ITGB1BP2: variants seen among roughly 807,000 people sequenced by gnomAD.
ITGB1BP2 encodes integrin beta-1-binding protein 2.
Under a neutral mutation model 32.2 loss-of-function variants are expected in ITGB1BP2, and 27 were observed. That is an observed-to-expected ratio of 0.84 (90% confidence interval 0.62 to 1.16). ITGB1BP2 has a LOEUF of 1.16. ITGB1BP2 is among the 50% of genes most tolerant of loss of function. The pLI is 0.00. For missense variants in ITGB1BP2, 250 were observed against 267.3 expected (o/e 0.94, Z 0.45); for synonymous variants, 105 against 94.7 (o/e 1.11, Z -0.63).
chrX:71,302,700 C>T (rs966214926), intron 4 of ITGB1BP2, 144 bp downstream of exon 4: 3 of 649,348 alleles, frequency 4.6e-6, no homozygotes, highest in Non-Finnish European at 6.7e-6. Flanking sequence ...TATCCTGTGC[C>T]TTAGGGGAAA....
intron 8 of ITGB1BP2, 128 bp downstream of exon 8, chrX:71,304,039 C>T: frequency 1.4e-6 from 1 of 709,521 alleles, no homozygotes; most frequent in South Asian, 2.7e-5. Context: ...AGATTCTGCT[C>T]CTTATCCCTC....
intron 8 of ITGB1BP2, 43 bp from the exon 9 acceptor site, chrX:71,304,144 A>T: frequency 9.6e-7 from 1 of 1,038,157 alleles, no homozygotes; most frequent in Non-Finnish European, 1.4e-6. Context: ...CCCTTCAGTT[A>T]AGAATTTATT....
chrX:71,304,634 G>C, intron 10 of ITGB1BP2, 30 bp downstream of exon 10: 1 of 1,132,531 alleles, frequency 8.8e-7, no homozygotes, highest in Non-Finnish European at 1.2e-6. Context: ...CACAAGAGTG[G>C]GAGGCAGATG....
chrX:71,302,470 C>A lies in ITGB1BP2; in HGVS notation c.231C>A (p.Gly77=). ...TTCCTGAGGCCCCTCAACCTGAAGG[C>A]CCTGCTACAAGCAGTTCACTTCAGG... The part of the protein sequence containing the change: ...EKLPEAPQPE[G]PATSSSLQEQ... Residue 77 remains glycine, a synonymous_variant, in exon 4 of 11, where the codon GGC becomes GGA. Coordinates refer to ENST00000373829, the MANE Select transcript of ITGB1BP2 (RefSeq NM_012278.4). 1.7e-6 allele frequency: 2 copies of A among 1,211,056 alleles called. No homozygotes were observed. Among genetic ancestry groups the A allele is most frequent in the East Asian group, 5.9e-5 (2 of 33,856 alleles).
rs138204346 is a variant in ITGB1BP2 at position 71,301,843 on chromosome X, C to T, written c.37C>T (p.His13Tyr). Residue 13 changes from histidine (H) to tyrosine (Y), a missense_variant, in exon 1 of 11, where the codon CAC becomes TAC. His to Tyr is a moderately conservative substitution (Grantham distance 83). Transcript: ENST00000373829. ...LLCRNKGCGQ[H>Y]FDPNTNLPDS... ...CTGTCGTAACAAAGGCTGTGGGCAG[C>T]ACTTTGACCCTAATACCAACCTTCC... 1,500 of 1,206,921 alleles carry T rather than the reference C, an allele frequency of 1.2e-3. 13 individuals carry two copies. The East Asian group carries it at 0.016, about 13-fold the overall frequency.
At chrX:71,302,014 C>CT (rs1163306012) in intron 1 of ITGB1BP2, 123 bp from the exon 2 acceptor site, 33,166 of 605,933 alleles carry the variant, frequency 0.055, no homozygotes, top group Non-Finnish European at 0.061. Context: ...CCTTTGCTGG[C>CT]TTTTTTTTTT....
Position 71,303,265 on chromosome X carries a change from A to G in ITGB1BP2, c.321A>G (p.Ser107=), listed in dbSNP as rs764519154. The change falls in exon 5 of 11, where the codon TCA becomes TCG. Residue 107 remains serine, a synonymous_variant. Transcript: ENST00000373829. ...AATCACCACCCTTAACCCCTAGGTC[A>G]GAGTTGCCTCTGAAGCTGCTGCCGC... The part of the protein sequence containing the change: ...AETLRRERPK[S]ELPLKLLPLN... The G allele has an allele frequency of 1.2e-5, 14 of 1,208,339 alleles. No homozygotes were observed. The East Asian group carries it at 3.6e-4, about 31-fold the overall frequency.
At position 71,301,784 on chromosome X, in the gene ITGB1BP2, G is replaced by A. The variant is rs150575141; in HGVS notation, c.-23G>A. On this transcript the variant is annotated 5_prime_UTR_variant, in exon 1 of 11. Coordinates refer to ENST00000373829, the MANE Select transcript of ITGB1BP2 (RefSeq NM_012278.4). Reference sequence around the variant, plus strand: ...CCAGACTCCTTGAAATACCCTTTCAGTAATCATTCAACCAACGCTTCCATG... The same window carrying A: ...CCAGACTCCTTGAAATACCCTTTCAATAATCATTCAACCAACGCTTCCATG... 9.9e-5 allele frequency: 119 copies of A among 1,196,377 alleles called. No individual in the cohort carries two copies. The East Asian group carries it at 3.5e-3, about 35-fold the overall frequency.
At chrX:71,302,207 G>T (rs768768529) in intron 2 of ITGB1BP2, 21 bp downstream of exon 2, 4 of 1,210,498 alleles carry the variant, frequency 3.3e-6, no homozygotes, top group Admixed American at 4.4e-5. Context: ...GGTGAGGGGG[G>T]TTAGCAAGAG....
intron 8 of ITGB1BP2, 74 bp downstream of exon 8, chrX:71,303,985 C>T (rs1479340485): frequency 3.4e-6 from 3 of 873,491 alleles, no homozygotes; most frequent in Non-Finnish European, 4.9e-6. Context: ...CTCTGTACCA[C>T]ATAGCCAAGC....
chrX:71,305,257 A>G lies in ITGB1BP2; in HGVS notation c.*65A>G. ...TTCCCTTAGAATCTTAGATACCAGG[A>G]TATTGTTGGCCATGTGGCATCATTG... On this transcript the variant is annotated 3_prime_UTR_variant, in exon 11 of 11. Transcript: ENST00000373829. 1.0e-6 allele frequency: 1 copy of G among 990,866 alleles called. No homozygotes were observed. Among genetic ancestry groups the G allele is most frequent in the Non-Finnish European group, 1.4e-6 (1 of 723,677 alleles). The allele number at this position is 990,866 out of a possible 1,213,427, so 81.7% of individuals were successfully genotyped here. A position where few individuals can be genotyped will look rare whatever the true frequency, so the allele number is the denominator to read the frequency against.
rs2031666658 is a variant in ITGB1BP2, at chrX:71,304,599, T to G, written c.811T>G (p.Trp271Gly). The G allele has an allele frequency of 1.7e-6, 2 of 1,204,748 alleles. No individual in the cohort carries two copies. Among genetic ancestry groups the G allele is most frequent in the South Asian group, 1.8e-5 (1 of 56,235 alleles). ...NRVFQAQMKL[W>G]GVINVEQSSV... ...TGTGTTCCAAGCACAGATGAAGCTCTGGGGGGTAAGTGAAGACCAGGGGAC... is the reference window on the plus strand; with the variant it reads ...TGTGTTCCAAGCACAGATGAAGCTCGGGGGGGTAAGTGAAGACCAGGGGAC... Residue 271 changes from tryptophan to glycine, a missense_variant, in exon 10 of 11, where the codon TGG becomes GGG. By Grantham distance (184) the Trp-to-Gly change is radical. Coordinates refer to ENST00000373829, the MANE Select transcript of ITGB1BP2 (RefSeq NM_012278.4).
In ITGB1BP2 at chrX:71,303,906, A is replaced by T. The variant is rs369773022; in HGVS notation, c.634A>T (p.Lys212Ter). 42 of 1,195,242 alleles carry T rather than the reference A, an allele frequency of 3.5e-5. No homozygotes were observed. The highest frequency in any genetic ancestry group is 4.5e-5 in the Non-Finnish European group (40 of 885,350). The stretch of plus-strand genomic sequence containing the variant: ...CAGAGTCGGTAGACATGACTGGGGG[A>T]AGCAGGTAAGCCCCAGCTTTCCTGA... ...GCRVGRHDWG[K>*]QLPASCRHDW... The change falls in exon 8 of 11, where the codon AAG (lysine) becomes TAG (stop). Residue 212 changes from lysine (K) to a stop codon, truncating the protein, a stop_gained. Coordinates refer to ENST00000373829, the MANE Select transcript of ITGB1BP2 (RefSeq NM_012278.4). LOFTEE classifies it high-confidence loss of function.
chrX:71,302,153 C>T lies in ITGB1BP2; in HGVS notation c.81C>T (p.His27=). 8.3e-7 allele frequency: 1 copy of T among 1,210,708 alleles called. No homozygotes were observed. The highest frequency in any genetic ancestry group is 1.1e-6 in the Non-Finnish European group (1 of 895,185). ...TGTCCACAGATTCCTGTTGCCATCACCCTGGGGTCCCAATCTTCCATGATG... is the reference window on the plus strand; with the variant it reads ...TGTCCACAGATTCCTGTTGCCATCATCCTGGGGTCCCAATCTTCCATGATG... ...NTNLPDSCCH[H]PGVPIFHDAL... Residue 27 remains histidine, a synonymous_variant, in exon 2 of 11, where the codon CAC becomes CAT. Coordinates refer to ENST00000373829, the MANE Select transcript of ITGB1BP2 (RefSeq NM_012278.4).
At chrX:71,303,199 G>C (rs1423987794) in intron 4 of ITGB1BP2, 63 bp from the exon 5 acceptor site, 10 of 949,862 alleles carry the variant, frequency 1.1e-5, no homozygotes, top group Admixed American at 5.4e-5. Context: ...CCATCGGTGG[G>C]AGTGTTGGAG....
Position 71,301,756 on chromosome X carries a change from C to A in ITGB1BP2, c.-51C>A. On this transcript the variant is annotated 5_prime_UTR_variant, in exon 1 of 11. Coordinates refer to ENST00000373829, the MANE Select transcript of ITGB1BP2 (RefSeq NM_012278.4). ...AGACTAAGAGGTGTTCCCCATTCGG[C>A]AGCCAGACTCCTTGAAATACCCTTT... 9.1e-7 allele frequency: 1 copy of A among 1,100,686 alleles called. No individual in the cohort carries two copies. The highest frequency in any genetic ancestry group is 1.3e-6 in the Non-Finnish European group (1 of 795,899). The allele number at this position is 1,100,686 out of a possible 1,213,427, so 90.7% of individuals were successfully genotyped here.
intron 8 of ITGB1BP2, 124 bp from the exon 9 acceptor site, chrX:71,304,062 GT>G (rs2031658342): frequency 2.8e-6 from 2 of 707,306 alleles, no homozygotes; most frequent in African/African-American, 4.2e-5. Context: ...CAGCCCAGAG[GT>G]TTTGCAATAT....
In ITGB1BP2 at chrX:71,303,478, C is replaced by T. The variant is rs148128882; in HGVS notation, c.430C>T (p.Arg144Trp). Residue 144 changes from arginine (R) to tryptophan (W), a missense_variant, in exon 6 of 11, where the codon CGG (arginine) becomes TGG (tryptophan). Transcript: ENST00000373829. ...TTGCCCAGGACTTGACAGTCTGATC[C>T]GGACTGGTTCCAGCTGCCAGAACCC... is the stretch of plus-strand genomic sequence containing the variant. Reference protein sequence around the residue: ...EPGAGLDSLIRTGSSCQNPGC... With the variant: ...EPGAGLDSLIWTGSSCQNPGC... 124 of 1,209,293 alleles carry T rather than the reference C, an allele frequency of 1.0e-4. 2 individuals are homozygous for T. In the South Asian group the frequency reaches 1.3e-3, roughly 13 times the overall value.
intron 1 of ITGB1BP2, 104 bp from the exon 2 acceptor site, chrX:71,302,033 A>G (rs1427160252): frequency 6.3e-6 from 6 of 954,344 alleles, no homozygotes; most frequent in Non-Finnish European, 7.2e-6. Context: ...TTTTCTTCAC[A>G]TTATATGGGA....
Sources: gnomAD v4.1 joint callset for allele counts on GRCh38, gnomAD v4.1.1 for gene constraint, MANE v1.5 for transcripts, NCBI Gene and HGNC (gene_info 2026-07-23, HGNC 2026-07-21) for gene names.